The following AIM2 variants were observed in gnomAD, a reference collection of about 807,000 sequenced individuals.
AIM2 encodes interferon-inducible protein AIM2.
In AIM2, 30 loss-of-function variants were observed where a neutral mutation model predicts 27.7. That is an observed-to-expected ratio of 1.08 (90% CI 0.81 to 1.47). AIM2 has a LOEUF of 1.47. Among genes scored for constraint, AIM2 ranks in the 40% most tolerant of loss-of-function variants. The probability of loss-of-function intolerance (pLI) is 0.00; values close to 1 mark genes in which losing one functional copy is unlikely to be tolerated. For synonymous variants in AIM2, 141 were observed against 145.3 expected, an observed-to-expected ratio of 0.97 and a Z score of 0.21; for missense variants, 358 against 411.3, an observed-to-expected ratio of 0.87 and a Z score of 1.12.
chr1:159,065,330 C>T (rs1421953065), intron 4 of AIM2, among the ~76,000 whole-genome samples: 1 of 152,234 alleles, frequency 6.6e-6, no homozygotes, highest in Non-Finnish European at 1.5e-5. Context: ...GGCCGCCGTG[C>T]AACCTTCCAA....
chr1:159,064,394 C>T (rs760045810), intron 4 of AIM2, among the ~76,000 whole-genome samples: 2 of 152,186 alleles, frequency 1.3e-5, no homozygotes, highest in Non-Finnish European at 2.9e-5. Flanking sequence ...GAAGATGGAG[C>T]TTCTCCAGGG....
intron 2 of AIM2, among the ~76,000 whole-genome samples, chr1:159,072,123 A>T (rs1486175189): frequency 6.6e-6 from 1 of 152,246 alleles, no homozygotes; most frequent in Non-Finnish European, 1.5e-5. Flanking sequence ...TAAGAAAAAC[A>T]CAGGGCAATG....
chr1:159,107,254 T>A (rs575053419), intron 1 of AIM2, among the ~76,000 whole-genome samples: 1 of 152,160 alleles, frequency 6.6e-6, no homozygotes, highest in African/African-American at 2.4e-5. Flanking sequence ...ACAGTTTAGG[T>A]AGGTTTTCAT....
At chr1:159,130,825 C>T (rs1647850410) in intron 1 of AIM2, among the ~76,000 whole-genome samples, 1 of 151,588 alleles carries the variant, frequency 6.6e-6, no homozygotes, top group African/African-American at 2.4e-5. Context: ...CACACACACA[C>T]ACACACACAC....
chr1:159,110,773 T>C (rs1446563511), intron 1 of AIM2, among the ~76,000 whole-genome samples: 2 of 152,216 alleles, frequency 1.3e-5, no homozygotes, highest in East Asian at 3.8e-4. Context: ...AGCAGACAAC[T>C]GAGATCAAAC....
intron 3 of AIM2, among the ~76,000 whole-genome samples, chr1:159,066,558 C>T (rs1049300737): frequency 5.9e-5 from 9 of 152,148 alleles, no homozygotes; most frequent in Non-Finnish European, 8.8e-5. Flanking sequence ...CGGTGTAACA[C>T]GTTTTGGAGG....
chr1:159,120,537 G>T (rs896839561), intron 1 of AIM2, among the ~76,000 whole-genome samples: 1 of 152,094 alleles, frequency 6.6e-6, no homozygotes, highest in Non-Finnish European at 1.5e-5. Flanking sequence ...AAAACGTTAA[G>T]GATTAAGTAT....
chr1:159,129,904 C>G (rs1218138189), intron 1 of AIM2, among the ~76,000 whole-genome samples: 1 of 152,234 alleles, frequency 6.6e-6, no homozygotes. Context: ...CATCCACTAA[C>G]TCCATTTCAC....
In AIM2 at chr1:159,066,282, C is replaced by T; in HGVS notation, c.444G>A (p.Gly148=). ...TAACTGGCAAACAGCGCTTCTGAAA[C>T]CCTTCTCTGATAGATTCCTGCTGGG... The part of the protein sequence containing the change: ...MVAQQESIRE[G]FQKRCLPVMV... The change falls in exon 4 of 6, where the codon GGG becomes GGA. Residue 148 remains glycine (G), a synonymous_variant. Transcript: ENST00000368130. 1.2e-6 allele frequency: 2 copies of T among 1,614,048 alleles called. No individual in the cohort carries two copies. Among genetic ancestry groups the T allele is most frequent in the Admixed American group, 1.7e-5 (1 of 60,004 alleles).
upstream of AIM2, among the ~76,000 whole-genome samples, chr1:159,141,572 T>C (rs1648110586): frequency 1.3e-5 from 2 of 152,096 alleles, no homozygotes; most frequent in South Asian, 4.2e-4. Flanking sequence ...CAACCTAGCA[T>C]GACAGTAGTC....
intron 1 of AIM2, among the ~76,000 whole-genome samples, chr1:159,104,054 A>G (rs975183387): frequency 3.3e-5 from 5 of 152,004 alleles, no homozygotes. Flanking sequence ...TATTTTATGA[A>G]GTTTCACTTT....
upstream of AIM2, chr1:159,081,457 G>A (rs1376008804): frequency 2.2e-5 from 11 of 489,244 alleles, no homozygotes; most frequent in East Asian, 1.9e-4. Context: ...GACCTCAGTC[G>A]TCACATCCAA....
chr1:159,062,904 T>C (rs933037367), intron 5 of AIM2, among the ~76,000 whole-genome samples, 186 bp from the exon 6 acceptor site: 2 of 152,174 alleles, frequency 1.3e-5, no homozygotes, highest in Non-Finnish European at 2.9e-5. Flanking sequence ...ACCTGAGAAA[T>C]ACACTCCCAC....
At position 159,101,245 on chromosome 1, in the gene AIM2, G is replaced by A. The variant is rs1657307284; in HGVS notation, c.-15-34916C>T. On this transcript the variant is annotated intron_variant, in intron 1 of 2. Transcript: ENST00000368129. ...CATGATATCGAGTGGGTTCTCATGA[G>A]ATCTGATGGTTTTATGTGTCTGGCA... 2.0e-5 allele frequency among the ~76,000 whole-genome samples: 3 copies of A among 152,250 alleles called. No individual in the cohort carries two copies. In the South Asian group the frequency reaches 6.2e-4, roughly 32 times the overall value.
intron 1 of AIM2, among the ~76,000 whole-genome samples, chr1:159,124,839 G>A (rs1647645982): frequency 6.6e-6 from 1 of 152,206 alleles, no homozygotes; most frequent in South Asian, 2.1e-4. Flanking sequence ...GCAGCAAGAA[G>A]GTTGTGCAGG....
chr1:159,115,055 C>A (rs1430436217), intron 1 of AIM2, among the ~76,000 whole-genome samples: 1 of 151,572 alleles, frequency 6.6e-6, no homozygotes, highest in East Asian at 1.9e-4. Flanking sequence ...AAACAGAGAG[C>A]CAAACCATGA....
chr1:159,101,774 T>C (rs1462002321), intron 1 of AIM2, among the ~76,000 whole-genome samples: 1 of 152,168 alleles, frequency 6.6e-6, no homozygotes, highest in African/African-American at 2.4e-5. Flanking sequence ...TAGAGATCTG[T>C]GGAACTTTGA....
chr1:159,109,973 T>C (rs981354017), intron 1 of AIM2, among the ~76,000 whole-genome samples: 2 of 152,218 alleles, frequency 1.3e-5, no homozygotes, highest in African/African-American at 4.8e-5. Context: ...TGTAAACTAG[T>C]ACAACCACTA....
At chr1:159,072,384 C>T (rs181671679) in intron 2 of AIM2, among the ~76,000 whole-genome samples, 49 of 152,308 alleles carry the variant, frequency 3.2e-4, no homozygotes, top group African/African-American at 1.1e-3. Context: ...CCCACAAATG[C>T]TACTAAAAGC....
Sources: allele counts gnomAD v4.1 joint callset (sites outside exome capture counted in the v4.1 genomes callset), GRCh38; gene constraint gnomAD v4.1.1; transcripts MANE v1.5; gene names NCBI Gene and HGNC (gene_info 2026-07-23, HGNC 2026-07-21).